SFMBT2: variants seen among roughly 807,000 people sequenced by gnomAD.
SFMBT2 encodes the protein Scm like with four mbt domains 2, also known as scm-like with four MBT domains protein 2.
Under a neutral mutation model 110.1 loss-of-function variants are expected in SFMBT2, and 38 were observed. The observed-to-expected ratio is 0.35, with a 90% CI of 0.27 to 0.45. The LOEUF is 0.45. Among genes scored for constraint, SFMBT2 ranks in the 20% least tolerant of loss-of-function variants. The probability of loss-of-function intolerance (pLI) is 1.00; values close to 1 mark genes in which losing one functional copy is unlikely to be tolerated. For missense variants in SFMBT2, 1,011 were observed against 1,094.9 expected, an observed-to-expected ratio of 0.92 and a Z score of 1.08; for synonymous variants, 425 against 425.4, an observed-to-expected ratio of 1.00 and a Z score of 0.01.
At chr10:7,280,177 G>A (rs982347376) in intron 6 of SFMBT2, among the ~76,000 whole-genome samples, 1 of 152,146 alleles carries the variant, frequency 6.6e-6, no homozygotes, top group Non-Finnish European at 1.5e-5. Context: ...AACTACACTG[G>A]CACCCTGATC....
At chr10:7,189,240 T>C (rs890268177) in intron 15 of SFMBT2, 4 of 917,274 alleles carry the variant, frequency 4.4e-6, no homozygotes, top group African/African-American at 3.6e-5. Context: ...GCTCAATTCA[T>C]GGACATTTAA....
At chr10:7,299,851 T>C (rs1842508663) in intron 4 of SFMBT2, among the ~76,000 whole-genome samples, 1 of 152,156 alleles carries the variant, frequency 6.6e-6, no homozygotes, top group African/African-American at 2.4e-5. Context: ...CATGCACACA[T>C]ATGTTTATTG....
At chr10:7,273,546 C>T (rs1033931029) in intron 7 of SFMBT2, among the ~76,000 whole-genome samples, 9 of 152,182 alleles carry the variant, frequency 5.9e-5, no homozygotes, top group African/African-American at 1.7e-4. Context: ...CATATGTATA[C>T]ATGTGCCATG....
intron 4 of SFMBT2, among the ~76,000 whole-genome samples, chr10:7,328,818 A>G (rs1843472488): frequency 6.6e-6 from 1 of 152,252 alleles, no homozygotes. Context: ...GTACCAAAAA[A>G]AAGTGTAAGA....
At chr10:7,212,806 G>A (rs544984825) in intron 11 of SFMBT2, among the ~76,000 whole-genome samples, 4 of 152,250 alleles carry the variant, frequency 2.6e-5, no homozygotes, top group African/African-American at 7.2e-5. Context: ...GTCTCTACTC[G>A]ATAGCAAAGA....
intron 4 of SFMBT2, among the ~76,000 whole-genome samples, chr10:7,344,458 C>T (rs1844037458): frequency 6.6e-6 from 1 of 152,168 alleles, no homozygotes; most frequent in South Asian, 2.1e-4. Context: ...TAAGACGTGC[C>T]TTTCTCCTCC....
At chr10:7,221,442 C>T (rs11255045) in intron 10 of SFMBT2, among the ~76,000 whole-genome samples, 134,006 of 151,820 alleles carry the variant, frequency 0.88, 59,225 homozygotes, top group East Asian at 0.93. Flanking sequence ...GGCACATGCC[C>T]GTAATCCCGG....
chr10:7,169,212 T>A (rs1041359246), intron 20 of SFMBT2, among the ~76,000 whole-genome samples: 3 of 152,144 alleles, frequency 2.0e-5, no homozygotes, highest in African/African-American at 7.2e-5. Flanking sequence ...GTGATCTGCC[T>A]GTCTCGGCCT....
rs1299959770 is a variant in SFMBT2, at chr10:7,286,013, C to A, written c.437-59G>T. On this transcript the variant is annotated intron_variant, in intron 4 of 20. Coordinates refer to ENST00000397167, the MANE Select transcript of SFMBT2 (RefSeq NM_001387889.1). ...AAACAAAAAAAACACTTCAACACAGCAGCAAAGTATCCAATCAACTTAAAA... is the reference window on the plus strand; with the variant it reads ...AAACAAAAAAAACACTTCAACACAGAAGCAAAGTATCCAATCAACTTAAAA... 3 of 794,644 alleles carry A rather than the reference C, an allele frequency of 3.8e-6. No individual in the cohort carries two copies. In the East Asian group the frequency reaches 7.4e-5, roughly 20 times the overall value. The allele number at this position is 794,644 out of a possible 1,614,324, so 49.2% of individuals were successfully genotyped here.
In SFMBT2 at chr10:7,168,885, G is replaced by C. The variant is rs190696776; in HGVS notation, c.2544+2043C>G. On this transcript the variant is annotated intron_variant, in intron 20 of 20. Transcript: ENST00000397167. ...CTCTCCCTGGTTGCTTTTCAGAGTT[G>C]TCCAGACAGGAAGGGTGGCCAGTGT... 6.6e-3 allele frequency among the ~76,000 whole-genome samples: 1,004 copies of C among 152,262 alleles called. 15 individuals are homozygous for C. Among genetic ancestry groups the C allele is most frequent in the African/African-American group, 0.023 (965 of 41,540 alleles).
chr10:7,398,083 T>C (rs1054828893), intron 1 of SFMBT2, among the ~76,000 whole-genome samples: 4 of 152,222 alleles, frequency 2.6e-5, no homozygotes, highest in Admixed American at 6.5e-5. Flanking sequence ...CTGACACAAA[T>C]TGCTGCCCTG....
intron 2 of SFMBT2, among the ~76,000 whole-genome samples, chr10:7,376,902 T>A (rs1025255926): frequency 6.9e-6 from 1 of 145,414 alleles, no homozygotes; most frequent in South Asian, 2.2e-4. Flanking sequence ...CCGAGTGTGG[T>A]GGCTCACGCC....
At chr10:7,231,058 T>C (rs374665937) in intron 9 of SFMBT2, among the ~76,000 whole-genome samples, 9 of 148,826 alleles carry the variant, frequency 6.0e-5, no homozygotes, top group African/African-American at 2.3e-4. Context: ...TACTAAGGAT[T>C]TTTTTCCCCC....
chr10:7,258,287 C>G (rs1467119361), intron 7 of SFMBT2, among the ~76,000 whole-genome samples: 1 of 152,196 alleles, frequency 6.6e-6, no homozygotes, highest in Non-Finnish European at 1.5e-5. Flanking sequence ...AGGAAATTCT[C>G]CCTCTGCAGC....
intron 12 of SFMBT2, chr10:7,204,354 T>C (rs1839058857): frequency 1.0e-6 from 1 of 985,248 alleles, no homozygotes; most frequent in Non-Finnish European, 1.2e-6. Flanking sequence ...TCTACAGAAG[T>C]GGCCACAGAA....
chr10:7,203,697 A>G (rs1198899365), intron 12 of SFMBT2: 1 of 984,576 alleles, frequency 1.0e-6, no homozygotes, highest in Non-Finnish European at 1.2e-6. Flanking sequence ...ATGCTGGCTG[A>G]GCAAGGTCAG....
chr10:7,178,192 C>T (rs1379327442), intron 16 of SFMBT2, among the ~76,000 whole-genome samples: 1 of 152,150 alleles, frequency 6.6e-6, no homozygotes, highest in African/African-American at 2.4e-5. Flanking sequence ...ACCCACACAG[C>T]AGCTTCTCCT....
intron 4 of SFMBT2, among the ~76,000 whole-genome samples, chr10:7,312,058 C>T (rs1159815464): frequency 6.6e-6 from 1 of 151,944 alleles, no homozygotes; most frequent in Non-Finnish European, 1.5e-5. Flanking sequence ...TGGGGAACAT[C>T]ACACACAGGG....
chr10:7,196,473 C>A (rs1838770411), intron 15 of SFMBT2, among the ~76,000 whole-genome samples: 1 of 152,170 alleles, frequency 6.6e-6, no homozygotes, highest in South Asian at 2.1e-4. Flanking sequence ...ATATATTTGT[C>A]CTGCACTCTA....
Sources: allele counts gnomAD v4.1 joint callset (sites outside exome capture counted in the v4.1 genomes callset), GRCh38; gene constraint gnomAD v4.1.1; transcripts MANE v1.5; gene names NCBI Gene and HGNC (gene_info 2026-07-23, HGNC 2026-07-21).